The following ZBTB5 variants were observed in gnomAD, a reference collection of about 807,000 sequenced individuals.
The protein encoded by ZBTB5 is zinc finger and BTB domain-containing protein 5.
In ZBTB5, 15 loss-of-function variants were observed where a neutral mutation model predicts 37.9. The ratio of observed to expected loss-of-function variants is 0.40; its 90% CI spans 0.26 to 0.61. The LOEUF (loss-of-function observed/expected upper bound fraction) is 0.61. Among genes scored for constraint, ZBTB5 ranks in the 20% least tolerant of loss-of-function variants. The probability of loss-of-function intolerance (pLI) is 0.47; values close to 1 mark genes in which losing one functional copy is unlikely to be tolerated. For synonymous variants in ZBTB5, 315 were observed against 312.4 expected, an observed-to-expected ratio of 1.01 and a Z score of -0.09; for missense variants, 708 against 856.8, an observed-to-expected ratio of 0.83 and a Z score of 2.17.
chr9:37,457,230 G>GT (rs892756026), intron 1 of ZBTB5, among the ~76,000 whole-genome samples: 13 of 152,110 alleles, frequency 8.5e-5, no homozygotes, highest in African/African-American at 3.1e-4. Flanking sequence ...CATGTAATAT[G>GT]TTTTTTGTTT....
At chr9:37,453,612 C>T (rs1824139648) in intron 1 of ZBTB5, among the ~76,000 whole-genome samples, 1 of 152,180 alleles carries the variant, frequency 6.6e-6, no homozygotes, top group African/African-American at 2.4e-5. Context: ...GAGAAAATCA[C>T]TTCCCACCCA....
Sources: gnomAD v4.1 joint callset for allele counts (sites outside exome capture counted in the v4.1 genomes callset) on GRCh38, gnomAD v4.1.1 for gene constraint, MANE v1.5 for transcripts, NCBI Gene and HGNC (gene_info 2026-07-23, HGNC 2026-07-21) for gene names.